The following HNRNPLL variants were observed in gnomAD, a reference collection of about 807,000 sequenced individuals.
HNRNPLL encodes heterogeneous nuclear ribonucleoprotein L-like.
Under a neutral mutation model 67.1 loss-of-function variants are expected in HNRNPLL, and 25 were observed. The ratio of observed to expected loss-of-function variants is 0.37; its 90% confidence interval spans 0.27 to 0.52. The LOEUF is 0.52. HNRNPLL is among the 20% of genes least tolerant of loss of function. The pLI, the probability that HNRNPLL is intolerant of heterozygous loss-of-function variation, is 0.90. For missense variants in HNRNPLL, 542 were observed against 673.9 expected (o/e 0.80, Z 2.17); for synonymous variants, 267 against 241.7 (o/e 1.10, Z -0.97).
intron 1 of HNRNPLL, among the ~76,000 whole-genome samples, chr2:38,600,774 A>G (rs566113437): frequency 6.6e-6 from 1 of 151,990 alleles, no homozygotes; most frequent in Non-Finnish European, 1.5e-5. Flanking sequence ...ATTGTATGCT[A>G]AGCCTAGACT....
rs1172840363 is a variant in HNRNPLL, at chr2:38,563,351, C to T, written c.*831G>A. On this transcript the variant is annotated 3_prime_UTR_variant, in exon 13 of 13. Transcript: ENST00000449105. ...ATGTAAATATCCAAAATTCTACATA[C>T]AATTTTAGGGGGTACACAGATTCTC... 1 of 151,994 alleles carries T rather than the reference C, an allele frequency of 6.6e-6. No homozygotes were observed. The highest frequency in any genetic ancestry group is 1.5e-5 in the Non-Finnish European group (1 of 67,932). 9.4% of individuals were successfully genotyped at this position (151,994 alleles called of 1,614,324 possible).
chr2:38,581,530 CT>C (rs1449341618), intron 6 of HNRNPLL: 1 of 275,120 alleles, frequency 3.6e-6, no homozygotes, highest in Non-Finnish European at 6.8e-6. Flanking sequence ...CTCTATCCTT[CT>C]TAATGCCTCG....
At chr2:38,591,729 A>C (rs1035837860) in intron 1 of HNRNPLL, 81 bp from the exon 2 acceptor site, 9 of 809,938 alleles carry the variant, frequency 1.1e-5, no homozygotes, top group Non-Finnish European at 1.6e-5. Context: ...TAATCCCTGC[A>C]CTTTGGGAGG....
At chr2:38,587,961 G>A (rs1339002248) in intron 2 of HNRNPLL, among the ~76,000 whole-genome samples, 2 of 151,892 alleles carry the variant, frequency 1.3e-5, no homozygotes, top group East Asian at 1.9e-4. Context: ...TTGTGTGCGC[G>A]CTCTCTCTCC....
intron 9 of HNRNPLL, 33 bp downstream of exon 9, chr2:38,569,768 ATTT>A: frequency 8.9e-7 from 1 of 1,129,596 alleles, no homozygotes; most frequent in Non-Finnish European, 1.2e-6. Context: ...ATTTTTAAAT[ATTT>A]TTTAAAATTT....
chr2:38,599,630 T>C (rs1396491274), intron 1 of HNRNPLL, among the ~76,000 whole-genome samples: 2 of 152,186 alleles, frequency 1.3e-5, no homozygotes, highest in African/African-American at 4.8e-5. Context: ...ATTTCTCATA[T>C]CCAAAGTATT....
At chr2:38,570,980 G>C (rs1666055000) in intron 8 of HNRNPLL, among the ~76,000 whole-genome samples, 1 of 152,134 alleles carries the variant, frequency 6.6e-6, no homozygotes, top group African/African-American at 2.4e-5. Flanking sequence ...AAGAGCTAGA[G>C]GCTGAAGTAA....
At chr2:38,579,537 A>T (rs189444680) in intron 6 of HNRNPLL, among the ~76,000 whole-genome samples, 200 of 152,188 alleles carry the variant, frequency 1.3e-3, no homozygotes, top group South Asian at 2.3e-3. Context: ...ATCAGTTTCT[A>T]AACAGTGGTA....
intron 1 of HNRNPLL, among the ~76,000 whole-genome samples, chr2:38,597,695 T>A (rs544413940): frequency 1.5e-4 from 23 of 151,794 alleles, no homozygotes; most frequent in South Asian, 2.1e-4. Context: ...TTTTTTATTT[T>A]TTTTTTTTTT....
At chr2:38,580,453 GC>G (rs1666479630) in intron 6 of HNRNPLL, among the ~76,000 whole-genome samples, 1 of 152,178 alleles carries the variant, frequency 6.6e-6, no homozygotes, top group South Asian at 2.1e-4. Flanking sequence ...ATGCAAACAT[GC>G]AAAAGATCAA....
At chr2:38,590,638 A>G (rs1666923423) in intron 2 of HNRNPLL, among the ~76,000 whole-genome samples, 1 of 152,208 alleles carries the variant, frequency 6.6e-6, no homozygotes, top group Admixed American at 6.5e-5. Flanking sequence ...TCTTAAGTAT[A>G]CAGCAGCTGT....
chr2:38,602,417 A>C (rs1160212965), intron 1 of HNRNPLL, 21 bp downstream of exon 1: 2 of 1,544,364 alleles, frequency 1.3e-6, no homozygotes, highest in Admixed American at 1.9e-5. Context: ...CACAGCGGAC[A>C]GGGGGGCCGC....
Position 38,573,207 on chromosome 2 carries a change from T to C in HNRNPLL, c.1092+3A>G. On this transcript the variant is annotated splice_donor_region_variant and intron_variant, in intron 8 of 12. Coordinates refer to ENST00000449105, the MANE Select transcript of HNRNPLL (RefSeq NM_138394.4). ...AAAGAAACCAATATAAAGAGAAACT[T>C]ACCTTCTCAATATTTCCATATAAGC... The C allele has an allele frequency of 6.3e-7, 1 of 1,575,386 alleles. No individual in the cohort carries two copies. The highest frequency in any genetic ancestry group is 1.4e-5 in the African/African-American group (1 of 72,952).
At chr2:38,567,551 G>A (rs1209886070) in intron 12 of HNRNPLL, among the ~76,000 whole-genome samples, 2 of 152,148 alleles carry the variant, frequency 1.3e-5, no homozygotes, top group East Asian at 3.8e-4. Context: ...CTAAACATAT[G>A]CATGTATTGC....
chr2:38,563,310 GA>G lies in HNRNPLL; in HGVS notation c.*871del, dbSNP rs945738360. 6.6e-6 allele frequency: 1 copy of G among 151,972 alleles called. No individual in the cohort carries two copies. The highest frequency in any genetic ancestry group is 1.5e-5 in the Non-Finnish European group (1 of 67,910). The allele number at this position is 151,972 out of a possible 1,614,324, so 9.4% of individuals were successfully genotyped here. On this transcript the variant is annotated 3_prime_UTR_variant, in exon 13 of 13. Transcript: ENST00000449105. Reference sequence around the variant, plus strand: ...AAATACATATTACTGATGGATCCAAGAGTTAAAAAATAAAAATGTAAATATC... The same window carrying G: ...AAATACATATTACTGATGGATCCAAGGTTAAAAAATAAAAATGTAAATATC...
intron 8 of HNRNPLL, among the ~76,000 whole-genome samples, chr2:38,570,142 G>C (rs1418245262): frequency 6.6e-6 from 1 of 152,138 alleles, no homozygotes; most frequent in Non-Finnish European, 1.5e-5. Flanking sequence ...AACAGCACAG[G>C]CTCACCCTAA....
At position 38,594,435 on chromosome 2, in the gene HNRNPLL, T is replaced by G. The variant is rs539592523; in HGVS notation, c.190-2787A>C. Among the ~76,000 whole-genome samples, 4 of 152,248 alleles carry G rather than the reference T, an allele frequency of 2.6e-5. No individual in the cohort carries two copies. The East Asian group carries it at 7.7e-4, about 29-fold the overall frequency. Reference sequence around the variant, plus strand: ...CATGAAATGTCATGATGTTTGAAATTTACTTTCAAATAGTTTAGGGGAAAA... The same window carrying G: ...CATGAAATGTCATGATGTTTGAAATGTACTTTCAAATAGTTTAGGGGAAAA... On this transcript the variant is annotated intron_variant, in intron 1 of 12. Transcript: ENST00000449105.
Position 38,602,839 on chromosome 2 carries a change from G to A in HNRNPLL, c.-213C>T, listed in dbSNP as rs1055388880. ...CGCCCCGGGAGGAAGCTCTGGAGCG[G>A]CCGCTCCTCTCAATTACCGAGCCAA... On this transcript the variant is annotated 5_prime_UTR_variant, in exon 1 of 13. Coordinates refer to ENST00000449105, the MANE Select transcript of HNRNPLL (RefSeq NM_138394.4). 5.2e-6 allele frequency: 8 copies of A among 1,548,886 alleles called. No individual in the cohort carries two copies. The highest frequency in any genetic ancestry group is 2.7e-5 in the African/African-American group (2 of 72,764).
At position 38,577,472 on chromosome 2, in the gene HNRNPLL, T is replaced by G. The variant is rs757538544; in HGVS notation, c.863A>C (p.His288Pro). Reference protein sequence around the residue: ...ILGEHPSSFRHDGYGSHGPLL... With the variant: ...ILGEHPSSFRPDGYGSHGPLL... ...CCTTGACAACTTACCATAGCCATCA[T>G]GTCTAAACGAAGAAGGGTGTTCTCC... is the stretch of plus-strand genomic sequence containing the variant. The change falls in exon 7 of 13, where the codon CAT becomes CCT. Residue 288 changes from histidine (H) to proline (P), a missense_variant. By Grantham distance (77) the His-to-Pro change is moderately conservative. Coordinates refer to ENST00000449105, the MANE Select transcript of HNRNPLL (RefSeq NM_138394.4). 1.2e-6 allele frequency: 2 copies of G among 1,601,572 alleles called. No homozygotes were observed. Among genetic ancestry groups the G allele is most frequent in the East Asian group, 2.2e-5 (1 of 44,798 alleles).
Sources: allele counts gnomAD v4.1 joint callset (sites outside exome capture counted in the v4.1 genomes callset), GRCh38; gene constraint gnomAD v4.1.1; transcripts MANE v1.5; gene names NCBI Gene and HGNC (gene_info 2026-07-23, HGNC 2026-07-21).